ITPR2: variants seen among roughly 807,000 people sequenced by gnomAD.
The protein encoded by ITPR2 is inositol 1,4,5-trisphosphate receptor type 2.
Under a neutral mutation model 317.1 loss-of-function variants are expected in ITPR2, and 207 were observed. The observed-to-expected ratio is 0.65, with a 90% confidence interval of 0.58 to 0.73. The LOEUF is 0.73. Among genes scored for constraint, ITPR2 ranks in the 30% least tolerant of loss-of-function variants. The probability of loss-of-function intolerance (pLI) is 0.00; values close to 1 mark genes in which losing one functional copy is unlikely to be tolerated. For missense variants in ITPR2, 2,613 were observed against 3,284.0 expected (o/e 0.80, Z 4.99); for synonymous variants, 1,156 against 1,149.1 (o/e 1.01, Z -0.12).
At chr12:26,589,082 T>C (rs1038028704) in intron 32 of ITPR2, among the ~76,000 whole-genome samples, 3 of 152,218 alleles carry the variant, frequency 2.0e-5, no homozygotes, top group African/African-American at 7.2e-5. Context: ...TTAGCTGCAC[T>C]GGAACATAGA....
At chr12:26,503,794 T>C (rs1437175466) in intron 37 of ITPR2, among the ~76,000 whole-genome samples, 1 of 152,224 alleles carries the variant, frequency 6.6e-6, no homozygotes, top group Admixed American at 6.5e-5. Flanking sequence ...TACTGTAATA[T>C]TTTATTTTAT....
At chr12:26,599,915 C>T in intron 29 of ITPR2, 72 bp downstream of exon 29, 1 of 1,133,346 alleles carries the variant, frequency 8.8e-7, no homozygotes. Context: ...ACAAAATTCT[C>T]TTCATGAATG....
At chr12:26,428,265 T>C (rs1204236997) in intron 48 of ITPR2, among the ~76,000 whole-genome samples, 177 bp from the exon 49 acceptor site, 2 of 152,242 alleles carry the variant, frequency 1.3e-5, no homozygotes, top group East Asian at 3.8e-4. Context: ...CATTACTCAT[T>C]ATTACATTTC....
intron 26 of ITPR2, among the ~76,000 whole-genome samples, chr12:26,608,755 G>C (rs11048612): frequency 6.8e-6 from 1 of 146,910 alleles, no homozygotes; most frequent in Admixed American, 6.9e-5. Flanking sequence ...CCCCAAGTTT[G>C]CATTTTTGAC....
intron 55 of ITPR2, among the ~76,000 whole-genome samples, chr12:26,376,763 T>G (rs1939360231): frequency 6.6e-6 from 1 of 151,936 alleles, no homozygotes; most frequent in Admixed American, 6.6e-5. Context: ...TTTTCTTGAC[T>G]AAGTCTCACT....
At chr12:26,830,926 T>C (rs1031953821) in intron 1 of ITPR2, among the ~76,000 whole-genome samples, 2 of 152,220 alleles carry the variant, frequency 1.3e-5, no homozygotes, top group African/African-American at 4.8e-5. Context: ...AAACCATGCC[T>C]ATTCCCATTT....
At chr12:26,534,881 G>A (rs576766192) in intron 37 of ITPR2, among the ~76,000 whole-genome samples, 2 of 152,292 alleles carry the variant, frequency 1.3e-5, no homozygotes, top group South Asian at 4.2e-4. Context: ...TTTGCTAACA[G>A]GGTTAGGATC....
chr12:26,687,234 T>C (rs1948144071), intron 10 of ITPR2, among the ~76,000 whole-genome samples: 1 of 152,190 alleles, frequency 6.6e-6, no homozygotes, highest in East Asian at 1.9e-4. Context: ...ACCCTACCAT[T>C]TTAAGCAGAA....
chr12:26,400,870 G>C (rs1229808113), intron 52 of ITPR2: 9 of 152,300 alleles, frequency 5.9e-5, no homozygotes. Flanking sequence ...CTGAACCTTA[G>C]GATCCTCATC....
chr12:26,506,177 T>A (rs1473780779), intron 37 of ITPR2, among the ~76,000 whole-genome samples: 1 of 150,130 alleles, frequency 6.7e-6, no homozygotes, highest in African/African-American at 2.5e-5. Context: ...AAGACCAGCC[T>A]AGGCAATATA....
chr12:26,571,467 C>T (rs1945158361), intron 34 of ITPR2, among the ~76,000 whole-genome samples: 1 of 152,208 alleles, frequency 6.6e-6, no homozygotes, highest in African/African-American at 2.4e-5. Context: ...TAGCTCCTCA[C>T]CTTCTTTTTA....
intron 2 of ITPR2, among the ~76,000 whole-genome samples, chr12:26,777,169 G>C (rs1592118743): frequency 6.6e-6 from 1 of 152,148 alleles, no homozygotes; most frequent in South Asian, 2.1e-4. Flanking sequence ...TTAAAAGATG[G>C]CCCACTGTGA....
chr12:26,760,453 C>A (rs1949610446), intron 2 of ITPR2, among the ~76,000 whole-genome samples: 1 of 152,172 alleles, frequency 6.6e-6, no homozygotes, highest in African/African-American at 2.4e-5. Flanking sequence ...CAAAGTCATA[C>A]TCCCAGTAAG....
chr12:26,731,122 G>GAAA (rs5797193), intron 2 of ITPR2, among the ~76,000 whole-genome samples: 1 of 151,388 alleles, frequency 6.6e-6, no homozygotes, highest in Non-Finnish European at 1.5e-5. Context: ...GGCAATGGTG[G>GAAA]AAAAAAAAAA....
At chr12:26,653,866 G>T in intron 21 of ITPR2, 110 bp downstream of exon 21, 1 of 795,126 alleles carries the variant, frequency 1.3e-6, no homozygotes, top group South Asian at 1.7e-5. Context: ...GTGTTCATAT[G>T]CACACATATA....
chr12:26,431,063 T>A (rs77208648), intron 48 of ITPR2, among the ~76,000 whole-genome samples: 1 of 152,202 alleles, frequency 6.6e-6, no homozygotes, highest in Non-Finnish European at 1.5e-5. Context: ...TACTAATCTT[T>A]GTATTTTTTA....
Position 26,338,208 on chromosome 12 carries a change from T to G in ITPR2, c.*1189A>C, listed in dbSNP as rs1937984517. 6.6e-6 allele frequency: 1 copy of G among 152,630 alleles called. No homozygotes were observed. The highest frequency in any genetic ancestry group is 6.5e-5 in the Admixed American group (1 of 15,278). The allele number at this position is 152,630 out of a possible 1,614,324, so 9.5% of individuals were successfully genotyped here. A position where few individuals can be genotyped will look rare whatever the true frequency, so the allele number is the denominator to read the frequency against. Reference sequence around the variant, plus strand: ...ATTCCAAATGTGTAGTCTCTAAGAATAACCTGAACACACCAGGTTATTCTC... The same window carrying G: ...ATTCCAAATGTGTAGTCTCTAAGAAGAACCTGAACACACCAGGTTATTCTC... On this transcript the variant is annotated 3_prime_UTR_variant, in exon 57 of 57. Coordinates refer to ENST00000381340, the MANE Select transcript of ITPR2 (RefSeq NM_002223.4).
intron 45 of ITPR2, among the ~76,000 whole-genome samples, chr12:26,446,126 C>T (rs986356528): frequency 4.6e-5 from 7 of 151,800 alleles, no homozygotes; most frequent in African/African-American, 9.7e-5. Flanking sequence ...ATAATGAGGA[C>T]GAGAGAGGAG....
chr12:26,441,587 C>A (rs1009361101), intron 46 of ITPR2, among the ~76,000 whole-genome samples: 1 of 152,146 alleles, frequency 6.6e-6, no homozygotes, highest in Non-Finnish European at 1.5e-5. Context: ...CTGAGTAGGT[C>A]ATGTGAGCTG....
Sources: gnomAD v4.1 joint callset for allele counts (sites outside exome capture counted in the v4.1 genomes callset) on GRCh38, gnomAD v4.1.1 for gene constraint, MANE v1.5 for transcripts, NCBI Gene and HGNC (gene_info 2026-07-23, HGNC 2026-07-21) for gene names.